CFAP43: variants seen among roughly 807,000 people sequenced by gnomAD.
CFAP43 encodes the protein cilia and flagella associated protein 43.
Under a neutral mutation model 218.9 loss-of-function variants are expected in CFAP43, and 155 were observed. The ratio of observed to expected loss-of-function variants is 0.71; its 90% confidence interval spans 0.62 to 0.81. CFAP43 has a LOEUF of 0.81. CFAP43 is among the 30% of genes least tolerant of loss of function. The pLI is 0.00. For missense variants in CFAP43, 1,778 were observed against 1,954.3 expected (o/e 0.91, Z 1.70); for synonymous variants, 645 against 681.3 (o/e 0.95, Z 0.83).
intron 3 of CFAP43, among the ~76,000 whole-genome samples, chr10:104,220,738 T>C (rs556216988): frequency 6.6e-6 from 1 of 152,340 alleles, no homozygotes; most frequent in South Asian, 2.1e-4. Context: ...TTTGTTGTCA[T>C]AATACATACT....
chr10:104,218,175 C>T (rs2091070651), intron 3 of CFAP43, among the ~76,000 whole-genome samples: 2 of 151,500 alleles, frequency 1.3e-5, no homozygotes, highest in Non-Finnish European at 2.9e-5. Context: ...GGTGAAACCC[C>T]GTCTCTACTA....
intron 22 of CFAP43, among the ~76,000 whole-genome samples, chr10:104,167,242 C>G (rs789206): frequency 0.16 from 23,985 of 152,030 alleles, 4,683 homozygotes; most frequent in African/African-American, 0.47. Context: ...AACCATAATT[C>G]CATCAAAACA....
Position 104,143,451 on chromosome 10 carries a change from C to T in CFAP43, c.4133G>A (p.Arg1378Gln), listed in dbSNP as rs1240998046. ...TTTCTGTTCATTTTCCACTTTTGCT[C>T]GTCTTGTCATGCAGAAATGATTCCA... The part of the protein sequence containing the change: ...LVWNHFCMTR[R>Q]AKVENEQKVK... Residue 1378 changes from arginine to glutamine, a missense_variant, in exon 32 of 38, where the codon CGA (arginine) becomes CAA (glutamine). Coordinates refer to ENST00000357060, the MANE Select transcript of CFAP43 (RefSeq NM_025145.7). 2 of 1,614,018 alleles carry T rather than the reference C, an allele frequency of 1.2e-6. No homozygotes were observed. The highest frequency in any genetic ancestry group is 2.2e-5 in the South Asian group (2 of 91,034).
intron 3 of CFAP43, among the ~76,000 whole-genome samples, chr10:104,218,538 G>C (rs1397222437): frequency 6.6e-6 from 1 of 151,890 alleles, no homozygotes; most frequent in Admixed American, 6.6e-5. Context: ...AGGGGAGAGG[G>C]GAAGAGTGGG....
At chr10:104,146,420 T>A in intron 29 of CFAP43, 71 bp from the exon 30 acceptor site, 2 of 1,135,696 alleles carry the variant, frequency 1.8e-6, no homozygotes, top group Non-Finnish European at 2.7e-6. Context: ...TTGGGGATAC[T>A]AAAAAGAGCA....
chr10:104,197,962 T>C lies in CFAP43; in HGVS notation c.1172A>G (p.Gln391Arg), dbSNP rs1430963903. Reference sequence around the variant, plus strand: ...TCCAGGTGTGATAAAGTCAATTGCCTGAAATTTCCCATCACAAGCATCTAG... The same window carrying C: ...TCCAGGTGTGATAAAGTCAATTGCCCGAAATTTCCCATCACAAGCATCTAG... ...KVLDACDGKF[Q>R]AIDFITPGTQ... The change falls in exon 9 of 38, where the codon CAG becomes CGG. Residue 391 changes from glutamine (Q) to arginine (R), a missense_variant. This residue lies in a region of CFAP43 where 1,553 missense variants were observed against 1,685.2 expected (regional missense o/e 0.92). Coordinates refer to ENST00000357060, the MANE Select transcript of CFAP43 (RefSeq NM_025145.7). 6.2e-7 allele frequency: 1 copy of C among 1,613,820 alleles called. No individual in the cohort carries two copies. The highest frequency in any genetic ancestry group is 1.1e-5 in the South Asian group (1 of 91,052).
At chr10:104,160,107 G>A (rs911071040) in intron 27 of CFAP43, among the ~76,000 whole-genome samples, 1 of 152,208 alleles carries the variant, frequency 6.6e-6, no homozygotes, top group Admixed American at 6.5e-5. Flanking sequence ...GTTTCAGCAG[G>A]TGAGTACAAA....
At chr10:104,135,264 C>T (rs1052237477) in intron 34 of CFAP43, among the ~76,000 whole-genome samples, 1 of 152,058 alleles carries the variant, frequency 6.6e-6, no homozygotes, top group South Asian at 2.1e-4. Flanking sequence ...GAAAACCCAT[C>T]ATAACTTCAT....
At chr10:104,227,835 C>CTTTTTTTTTTTTTTTTT (rs776193577) in intron 2 of CFAP43, among the ~76,000 whole-genome samples, 1 of 58,356 alleles carries the variant, frequency 1.7e-5, no homozygotes, top group Non-Finnish European at 3.1e-5. Flanking sequence ...ATGTTTTCTA[C>CTTTTTTTTTTTTTTTTT]TTTTTTTTTT....
chr10:104,227,093 A>G (rs1048920572), intron 2 of CFAP43, among the ~76,000 whole-genome samples: 1 of 151,992 alleles, frequency 6.6e-6, no homozygotes, highest in Non-Finnish European at 1.5e-5. Context: ...TTGGTTTTTT[A>G]TTTACGTTAT....
chr10:104,166,134 C>T (rs2089137945), intron 23 of CFAP43, among the ~76,000 whole-genome samples: 1 of 152,176 alleles, frequency 6.6e-6, no homozygotes, highest in Non-Finnish European at 1.5e-5. Flanking sequence ...AGCTCACTGG[C>T]ATGATCTCGG....
At chr10:104,211,920 T>C in intron 5 of CFAP43, 87 bp downstream of exon 5, 1 of 1,450,192 alleles carries the variant, frequency 6.9e-7, no homozygotes. Flanking sequence ...CCTGCATTTC[T>C]CAAGGGATGG....
Position 104,192,381 on chromosome 10 carries a change from A to G in CFAP43, c.1443-79T>C, listed in dbSNP as rs544923455. ...GTGAACAAGTTTATTGAATGGCCACAGAGATATGTTCAAAGCCAGTCATTT... is the reference window on the plus strand; with the variant it reads ...GTGAACAAGTTTATTGAATGGCCACGGAGATATGTTCAAAGCCAGTCATTT... On this transcript the variant is annotated intron_variant, in intron 11 of 37. Transcript: ENST00000357060. 25 of 1,059,018 alleles carry G rather than the reference A, an allele frequency of 2.4e-5. No individual in the cohort carries two copies. In the East Asian group the frequency reaches 6.1e-4, roughly 26 times the overall value. The allele number at this position is 1,059,018 out of a possible 1,614,324, so 65.6% of individuals were successfully genotyped here.
chr10:104,132,538 C>G (rs941319700), intron 35 of CFAP43: 1 of 642,504 alleles, frequency 1.6e-6, no homozygotes, highest in Non-Finnish European at 1.9e-6. Context: ...TTGCTTGAAC[C>G]CAGGAGGTGG....
chr10:104,157,708 G>C (rs746316086), intron 27 of CFAP43, among the ~76,000 whole-genome samples: 2 of 146,942 alleles, frequency 1.4e-5, no homozygotes, highest in Non-Finnish European at 3.0e-5. Flanking sequence ...TGTCGAATTG[G>C]AATTGAGTTG....
chr10:104,213,073 T>C (rs891114118), intron 4 of CFAP43, among the ~76,000 whole-genome samples: 1 of 152,204 alleles, frequency 6.6e-6, no homozygotes, highest in Non-Finnish European at 1.5e-5. Flanking sequence ...AAGGATCTGA[T>C]AGAGATATCA....
Position 104,167,740 on chromosome 10 carries a change from T to TG in CFAP43, c.2692-4dup. ...ACCACACAGGGGATATGAAAACACT[T>TG]GGGGAAAAAAACGCAAGACAAAATA... On this transcript the variant is annotated splice_polypyrimidine_tract_variant and splice_region_variant and intron_variant, in intron 21 of 37. Coordinates refer to ENST00000357060, the MANE Select transcript of CFAP43 (RefSeq NM_025145.7). 6.3e-7 allele frequency: 1 copy of TG among 1,597,082 alleles called. No individual in the cohort carries two copies. Among genetic ancestry groups the TG allele is most frequent in the Admixed American group, 1.8e-5 (1 of 55,254 alleles).
chr10:104,188,376 C>T lies in CFAP43; in HGVS notation c.1581G>A (p.Val527=). 2 of 1,614,102 alleles carry T rather than the reference C, an allele frequency of 1.2e-6. No individual in the cohort carries two copies. Among genetic ancestry groups the T allele is most frequent in the Non-Finnish European group, 1.7e-6 (2 of 1,180,010 alleles). Residue 527 remains valine, a synonymous_variant, in exon 13 of 38, where the codon GTG becomes GTA. Transcript: ENST00000357060. ...VAKDILQIST[V]SLLETDIVEV... ...CCACTATGTCTGTTTCTAAAAGAGACACTGTGGATATCTGTAAAATGTCTT... is the reference window on the plus strand; with the variant it reads ...CCACTATGTCTGTTTCTAAAAGAGATACTGTGGATATCTGTAAAATGTCTT...
In CFAP43 at chr10:104,145,475, C is replaced by T; in HGVS notation, c.3944+1G>A. 6.3e-7 allele frequency: 1 copy of T among 1,586,360 alleles called. No homozygotes were observed. The highest frequency in any genetic ancestry group is 1.7e-5 in the Admixed American group (1 of 59,384). ...AACACAATAGTGAAGGAGAAACAAA[C>T]CTTGGTCGGCGTTTAAAAAGTTTGT... On this transcript the variant is annotated splice_donor_variant, in intron 31 of 37. Coordinates refer to ENST00000357060, the MANE Select transcript of CFAP43 (RefSeq NM_025145.7). LOFTEE classifies it high-confidence loss of function.
Sources: gnomAD v4.1 joint callset for allele counts (sites outside exome capture counted in the v4.1 genomes callset) on GRCh38, gnomAD v4.1.1 for gene constraint, gnomAD v4.1.1 regional missense constraint, MANE v1.5 for transcripts, NCBI Gene and HGNC (gene_info 2026-07-23, HGNC 2026-07-21) for gene names.